LVRN: variants seen among roughly 807,000 people sequenced by gnomAD.
LVRN encodes laeverin.
LVRN carries 99 observed loss-of-function variants against 111.4 expected under a neutral mutation model. That is an observed-to-expected ratio of 0.89 (90% CI 0.76 to 1.05). The LOEUF is 1.05. Ranked by LOEUF, LVRN falls within the 50% of genes least tolerant of loss-of-function variation. The pLI is 0.00. For synonymous variants in LVRN, 488 were observed against 449.5 expected (o/e 1.09, Z -1.08); for missense variants, 1,414 against 1,206.8 (o/e 1.17, Z -2.54).
At chr5:115,967,267 A>C (rs1471940843) in intron 1 of LVRN, among the ~76,000 whole-genome samples, 1 of 152,198 alleles carries the variant, frequency 6.6e-6, no homozygotes, top group Non-Finnish European at 1.5e-5. Flanking sequence ...TTGTCTTCCG[A>C]AAGTGTTTTA....
chr5:115,970,424 C>G (rs144543258), intron 1 of LVRN, among the ~76,000 whole-genome samples: 1,573 of 147,578 alleles, frequency 0.011, 85 homozygotes, highest in East Asian at 0.086. Context: ...TGCTCTGTCA[C>G]CAGGCTGGAG....
intron 1 of LVRN, among the ~76,000 whole-genome samples, chr5:115,968,028 A>G (rs1226581626): frequency 1.3e-5 from 2 of 152,194 alleles, no homozygotes; most frequent in African/African-American, 4.8e-5. Flanking sequence ...CATGTTGTCA[A>G]CAAACGGAGA....
In LVRN at chr5:116,011,357, A is replaced by T. The variant is rs1217725493; in HGVS notation, c.2247+463A>T. Among the ~76,000 whole-genome samples, 5 of 152,298 alleles carry T rather than the reference A, an allele frequency of 3.3e-5. No homozygotes were observed. The East Asian group carries it at 9.6e-4, about 29-fold the overall frequency. On this transcript the variant is annotated intron_variant, in intron 14 of 19. Coordinates refer to ENST00000357872, the MANE Select transcript of LVRN (RefSeq NM_173800.5). ...GAGATATATTCCAGAAAATGTAAAA[A>T]TTTGAAGATGCTTTTGATATTAGGA...
chr5:116,010,461 T>A, intron 13 of LVRN: 4 of 484,326 alleles, frequency 8.3e-6, no homozygotes, highest in South Asian at 4.9e-5. Flanking sequence ...ACAGAATGCA[T>A]AACTCTTCTA....
At chr5:115,970,118 A>G (rs971862422) in intron 1 of LVRN, among the ~76,000 whole-genome samples, 1 of 152,142 alleles carries the variant, frequency 6.6e-6, no homozygotes, top group African/African-American at 2.4e-5. Flanking sequence ...AAAACTTGAT[A>G]AGTTTTGGCA....
rs140893087 is a variant in LVRN, at chr5:115,968,220, A to C, written c.695+4908A>C. Among the ~76,000 whole-genome samples the C allele has an allele frequency of 2.6e-5, 4 of 152,174 alleles. No individual in the cohort carries two copies. In the East Asian group the frequency reaches 7.7e-4, roughly 29 times the overall value. On this transcript the variant is annotated intron_variant, in intron 1 of 19. Coordinates refer to ENST00000357872, the MANE Select transcript of LVRN (RefSeq NM_173800.5). ...TACAACTGAGCATAATATTAAATGT[A>C]GGTTTCTGTATATGTTTTTTATCAA...
chr5:115,984,782 C>A, intron 3 of LVRN, 73 bp downstream of exon 3: 1 of 1,574,424 alleles, frequency 6.4e-7, no homozygotes. Flanking sequence ...TTTCTGCATC[C>A]AGTGGTTATG....
intron 4 of LVRN, among the ~76,000 whole-genome samples, chr5:115,989,593 C>A (rs888129487): frequency 6.6e-6 from 1 of 152,110 alleles, no homozygotes; most frequent in Admixed American, 6.6e-5. Context: ...GCCTCTAGAA[C>A]CTATGGCAGT....
At chr5:116,024,300 C>T (rs1748817106) in intron 19 of LVRN, among the ~76,000 whole-genome samples, 1 of 151,832 alleles carries the variant, frequency 6.6e-6, no homozygotes, top group African/African-American at 2.4e-5. Flanking sequence ...ACAAGAAGAG[C>T]CTTTGTAAAT....
At chr5:115,983,168 A>G (rs771438634) in intron 1 of LVRN, 119 bp from the exon 2 acceptor site, 28 of 1,110,636 alleles carry the variant, frequency 2.5e-5, no homozygotes, top group Non-Finnish European at 3.1e-5. Flanking sequence ...AGTGAGGAAG[A>G]TGAGAGGAAA....
Position 115,999,773 on chromosome 5 carries a change from T to C in LVRN, c.1386T>C (p.Phe462=), listed in dbSNP as rs1402284394. Residue 462 remains phenylalanine (F), a synonymous_variant, in exon 7 of 20, where the codon TTT becomes TTC. Transcript: ENST00000357872. ...FNPKLPRNEI[F]FSNILHNILR... is the part of the protein sequence containing the mutation. ...CTTTTCCTTTATAGAATGAGATCTT[T>C]TTTTCTAACATTTTACATAATATCC... 2 of 1,613,446 alleles carry C rather than the reference T, an allele frequency of 1.2e-6. No homozygotes were observed. The highest frequency in any genetic ancestry group is 2.2e-5 in the South Asian group (2 of 90,940).
chr5:116,010,712 TTGAG>T, intron 13 of LVRN, 25 bp from the exon 14 acceptor site: 1 of 1,572,676 alleles, frequency 6.4e-7, no homozygotes, highest in Non-Finnish European at 8.6e-7. Context: ...TGAAGGTTTT[TTGAG>T]TGTGTGTGTT....
At chr5:115,986,525 G>A (rs1011972860) in intron 3 of LVRN, among the ~76,000 whole-genome samples, 11 of 152,304 alleles carry the variant, frequency 7.2e-5, no homozygotes, top group African/African-American at 2.2e-4. Flanking sequence ...TTCTTAGCCA[G>A]CACACTGAAG....
At chr5:115,990,574 T>C (rs1352601707) in intron 4 of LVRN, among the ~76,000 whole-genome samples, 4 of 152,302 alleles carry the variant, frequency 2.6e-5, no homozygotes, top group Middle Eastern at 3.4e-3. Flanking sequence ...TATTTATTTT[T>C]ATGTATTCAT....
At chr5:116,014,641 T>C in intron 16 of LVRN, 114 bp downstream of exon 16, 1 of 779,772 alleles carries the variant, frequency 1.3e-6, no homozygotes, top group Non-Finnish European at 2.1e-6. Flanking sequence ...GGTTAGGCGC[T>C]CTCTCCTACT....
chr5:116,002,771 G>A lies in LVRN; in HGVS notation c.1821-64G>A, dbSNP rs571351765. On this transcript the variant is annotated intron_variant, in intron 10 of 19. Coordinates refer to ENST00000357872, the MANE Select transcript of LVRN (RefSeq NM_173800.5). ...GTGCTATTTCATCATCTCTTTAATA[G>A]TGGCTCAGAGTGTATGTTTTTATGT... 46 of 1,189,296 alleles carry A rather than the reference G, an allele frequency of 3.9e-5. No individual in the cohort carries two copies. In the African/African-American group the frequency reaches 6.7e-4, roughly 17 times the overall value. 73.7% of individuals were successfully genotyped at this position (1,189,296 alleles called of 1,614,324 possible). A position where few individuals can be genotyped will look rare whatever the true frequency, so the allele number is the denominator to read the frequency against.
chr5:115,989,986 G>A (rs1361259504), intron 4 of LVRN, among the ~76,000 whole-genome samples: 1 of 152,126 alleles, frequency 6.6e-6, no homozygotes, highest in East Asian at 1.9e-4. Flanking sequence ...CCTCTCTGAG[G>A]AGGTGAGTTG....
chr5:116,015,141 C>A, intron 16 of LVRN, 111 bp from the exon 17 acceptor site: 1 of 765,620 alleles, frequency 1.3e-6, no homozygotes, highest in Non-Finnish European at 1.8e-6. Context: ...CTACTTTTGA[C>A]CTTTATATCT....
intron 1 of LVRN, among the ~76,000 whole-genome samples, chr5:115,982,129 A>C (rs1753572432): frequency 6.6e-6 from 1 of 152,200 alleles, no homozygotes; most frequent in Admixed American, 6.5e-5. Context: ...AAGTAAGCCA[A>C]AACAGGCCTT....
Sources: allele counts gnomAD v4.1 joint callset (sites outside exome capture counted in the v4.1 genomes callset), GRCh38; gene constraint gnomAD v4.1.1; transcripts MANE v1.5; gene names NCBI Gene and HGNC (gene_info 2026-07-23, HGNC 2026-07-21).